Variants in CDH12 observed in about 807,000 individuals in gnomAD.
CDH12 encodes cadherin 12.
CDH12 carries 41 observed loss-of-function variants against 74.1 expected under a neutral mutation model. The ratio of observed to expected loss-of-function variants is 0.55; its 90% CI spans 0.43 to 0.72. The LOEUF (loss-of-function observed/expected upper bound fraction) is 0.72. Among genes scored for constraint, CDH12 ranks in the 30% least tolerant of loss-of-function variants. CDH12 has a pLI of 0.00. For missense variants in CDH12, 945 were observed against 977.2 expected (o/e 0.97, Z 0.44); for synonymous variants, 399 against 355.0 (o/e 1.12, Z -1.39).
chr5:22,634,642 T>C (rs1200527934), intron 1 of CDH12, among the ~76,000 whole-genome samples: 1 of 152,146 alleles, frequency 6.6e-6, no homozygotes, highest in Admixed American at 6.6e-5. Flanking sequence ...AGATCACCGC[T>C]GAATACTTTC....
intron 4 of CDH12, among the ~76,000 whole-genome samples, chr5:22,085,333 T>A (rs562407112): frequency 6.6e-6 from 1 of 152,278 alleles, no homozygotes; most frequent in Non-Finnish European, 1.5e-5. Context: ...TGTTTGCTTT[T>A]AAGAATAACT....
chr5:22,519,294 A>G (rs1330493142), intron 1 of CDH12, among the ~76,000 whole-genome samples: 4 of 151,912 alleles, frequency 2.6e-5, no homozygotes, highest in Non-Finnish European at 5.9e-5. Flanking sequence ...CACCATTTTT[A>G]TTCTCTATAG....
intron 3 of CDH12, among the ~76,000 whole-genome samples, chr5:22,305,404 A>AT (rs539013122): frequency 7.9e-4 from 120 of 152,124 alleles, no homozygotes; most frequent in Middle Eastern, 3.4e-3. Flanking sequence ...GTCTGTGTAT[A>AT]TTTTTTTTAA....
intron 6 of CDH12, among the ~76,000 whole-genome samples, chr5:21,902,876 A>C (rs186139399): frequency 2.0e-5 from 3 of 152,268 alleles, no homozygotes; most frequent in South Asian, 4.1e-4. Context: ...TGCTGATTTA[A>C]AGATGTTGCA....
chr5:22,281,870 A>G (rs1025356776), intron 3 of CDH12, among the ~76,000 whole-genome samples: 1 of 152,176 alleles, frequency 6.6e-6, no homozygotes, highest in African/African-American at 2.4e-5. Flanking sequence ...TTATAAAAAA[A>G]CTAGTTTTAA....
At chr5:21,831,067 CA>C (rs11431054) in intron 8 of CDH12, among the ~76,000 whole-genome samples, 3 of 149,814 alleles carry the variant, frequency 2.0e-5, no homozygotes, top group Non-Finnish European at 4.5e-5. Context: ...CAAAAACAAA[CA>C]AAAAAAAACC....
chr5:22,701,519 T>C (rs1382572981), intron 1 of CDH12, among the ~76,000 whole-genome samples: 4 of 152,158 alleles, frequency 2.6e-5, no homozygotes, highest in Non-Finnish European at 4.4e-5. Context: ...CTTCATAAGC[T>C]GGTTTTGCCC....
intron 4 of CDH12, among the ~76,000 whole-genome samples, chr5:22,169,245 TAAAG>T (rs1561184704): frequency 6.6e-6 from 1 of 151,964 alleles, no homozygotes; most frequent in Non-Finnish European, 1.5e-5. Flanking sequence ...TATATGCATA[TAAAG>T]AGATACAGAA....
intron 3 of CDH12, among the ~76,000 whole-genome samples, chr5:22,358,126 A>T (rs1045331167): frequency 6.6e-6 from 1 of 152,106 alleles, no homozygotes; most frequent in African/African-American, 2.4e-5. Context: ...TACTAATGGC[A>T]GGTCGGCCGT....
intron 3 of CDH12, among the ~76,000 whole-genome samples, chr5:22,292,555 C>G (rs1044564612): frequency 6.6e-6 from 1 of 151,380 alleles, no homozygotes; most frequent in Admixed American, 6.6e-5. Flanking sequence ...ACAAACAAAA[C>G]AAAACAAACA....
chr5:21,784,554 T>G (rs1220870066), intron 10 of CDH12, among the ~76,000 whole-genome samples: 1 of 152,152 alleles, frequency 6.6e-6, no homozygotes, highest in Non-Finnish European at 1.5e-5. Flanking sequence ...CAATTTTAAA[T>G]ATAACATTTT....
chr5:22,846,328 A>C (rs1017537882), intron 1 of CDH12, among the ~76,000 whole-genome samples: 3 of 152,104 alleles, frequency 2.0e-5, no homozygotes, highest in African/African-American at 7.2e-5. Flanking sequence ...ATTAGAAGTA[A>C]AGGCATAGAT....
intron 8 of CDH12, among the ~76,000 whole-genome samples, chr5:21,820,833 C>T (rs868737210): frequency 4.0e-5 from 6 of 151,800 alleles, no homozygotes; most frequent in South Asian, 2.1e-4. Context: ...GTAATTACAC[C>T]GCCACCGTCT....
intron 1 of CDH12, among the ~76,000 whole-genome samples, chr5:22,603,327 T>G (rs1736938082): frequency 6.6e-6 from 1 of 152,154 alleles, no homozygotes; most frequent in African/African-American, 2.4e-5. Flanking sequence ...AAATGAGATG[T>G]TGAGTTTGGG....
At chr5:22,753,613 G>T (rs1246562278) in intron 1 of CDH12, among the ~76,000 whole-genome samples, 1 of 149,918 alleles carries the variant, frequency 6.7e-6, no homozygotes, top group Non-Finnish European at 1.5e-5. Context: ...GGAAGGGGAA[G>T]AAGTATGGAA....
chr5:21,817,862 G>A (rs975663248), intron 8 of CDH12, among the ~76,000 whole-genome samples: 2 of 151,852 alleles, frequency 1.3e-5, no homozygotes, highest in African/African-American at 2.4e-5. Context: ...ACCAGGTGGA[G>A]CGTTTATATT....
intron 2 of CDH12, among the ~76,000 whole-genome samples, chr5:22,408,264 A>G (rs1168803751): frequency 6.8e-6 from 1 of 147,056 alleles, no homozygotes; most frequent in Non-Finnish European, 1.5e-5. Flanking sequence ...AGAGTTTCAG[A>G]GACAATTGCT....
intron 8 of CDH12, among the ~76,000 whole-genome samples, chr5:21,827,809 T>C (rs1266274884): frequency 1.3e-5 from 2 of 152,174 alleles, no homozygotes; most frequent in South Asian, 4.1e-4. Context: ...CTATTCTTGT[T>C]ACACAATAAT....
chr5:21,811,457 C>G (rs907866487), intron 9 of CDH12, among the ~76,000 whole-genome samples: 9 of 151,958 alleles, frequency 5.9e-5, no homozygotes, highest in African/African-American at 2.2e-4. Flanking sequence ...GTGTAACTCA[C>G]TATCCATGTT....
Sources: allele counts gnomAD v4.1 joint callset (sites outside exome capture counted in the v4.1 genomes callset), GRCh38; gene constraint gnomAD v4.1.1; transcripts MANE v1.5; gene names NCBI Gene and HGNC (gene_info 2026-07-23, HGNC 2026-07-21).